The following RALGAPB variants were observed in gnomAD, a reference collection of about 807,000 sequenced individuals.
The protein encoded by RALGAPB is Ral GTPase activating protein non-catalytic subunit beta.
RALGAPB carries 25 observed loss-of-function variants against 161.1 expected under a neutral mutation model. The observed-to-expected ratio is 0.16, with a 90% CI of 0.11 to 0.22. RALGAPB has a LOEUF of 0.22. Among genes scored for constraint, RALGAPB ranks in the 10% least tolerant of loss-of-function variants. The probability of loss-of-function intolerance (pLI) is 1.00; values close to 1 mark genes in which losing one functional copy is unlikely to be tolerated. For synonymous variants in RALGAPB, 629 were observed against 626.1 expected (o/e 1.00, Z -0.07); for missense variants, 1,391 against 1,815.2 (o/e 0.77, Z 4.25).
At chr20:38,543,843 C>A (rs184776649) in intron 18 of RALGAPB, among the ~76,000 whole-genome samples, 1 of 152,148 alleles carries the variant, frequency 6.6e-6, no homozygotes, top group African/African-American at 2.4e-5. Flanking sequence ...TCTGTACTTC[C>A]GTGCTCATTC....
chr20:38,547,574 G>T (rs1017966582), intron 19 of RALGAPB: 1 of 152,172 alleles, frequency 6.6e-6, no homozygotes, highest in African/African-American at 2.4e-5. Context: ...TTCTGTGCCA[G>T]TTTTGTTGAT....
chr20:38,479,706 TAGC>T lies in RALGAPB; in HGVS notation c.-31+6640_-31+6642del, dbSNP rs1174815901. Among the ~76,000 whole-genome samples the T allele has an allele frequency of 5.3e-5, 8 of 152,314 alleles. 1 individual carries two copies. Among genetic ancestry groups the T allele is most frequent in the Admixed American group, 4.6e-4 (7 of 15,308 alleles). ...TTTCTCTGCTAGCAGCTCAGGTTGA[TAGC>T]AGACAGCCACCTGGGGAGGGGACTC... is the stretch of plus-strand genomic sequence containing the variant. On this transcript the variant is annotated intron_variant, in intron 1 of 29. Coordinates refer to ENST00000262879, the MANE Select transcript of RALGAPB (RefSeq NM_020336.4).
At chr20:38,533,769 GTGTA>G (rs1179076877) in intron 15 of RALGAPB, among the ~76,000 whole-genome samples, 1 of 152,170 alleles carries the variant, frequency 6.6e-6, no homozygotes, top group Non-Finnish European at 1.5e-5. Flanking sequence ...CTTATTCACT[GTGTA>G]TGTAGATTTA....
At chr20:38,476,902 C>A (rs182630380) in intron 1 of RALGAPB, among the ~76,000 whole-genome samples, 4 of 152,054 alleles carry the variant, frequency 2.6e-5, no homozygotes, top group Non-Finnish European at 5.9e-5. Flanking sequence ...TTTTACTGAA[C>A]GCATATCACT....
chr20:38,495,962 A>T (rs1001501163), intron 3 of RALGAPB, among the ~76,000 whole-genome samples: 38 of 152,112 alleles, frequency 2.5e-4, no homozygotes, highest in African/African-American at 8.9e-4. Context: ...CAGGGCCATT[A>T]GTGGTATTTT....
intron 1 of RALGAPB, among the ~76,000 whole-genome samples, chr20:38,484,292 A>G (rs1303582): frequency 0.67 from 102,293 of 152,094 alleles, 38,011 homozygotes; most frequent in East Asian, 0.91. Flanking sequence ...CCTAACAGCA[A>G]CCACGATGAA....
intron 1 of RALGAPB, among the ~76,000 whole-genome samples, chr20:38,478,117 G>A (rs139310418): frequency 6.6e-6 from 1 of 152,284 alleles, no homozygotes; most frequent in Non-Finnish European, 1.5e-5. Context: ...GTGAGACCTT[G>A]TCTCAAAAAG....
In RALGAPB at chr20:38,558,360, T is replaced by A; in HGVS notation, c.3438T>A (p.Phe1146Leu). 6.2e-7 allele frequency: 1 copy of A among 1,608,710 alleles called. No homozygotes were observed. The highest frequency in any genetic ancestry group is 2.2e-5 in the East Asian group (1 of 44,746). ...TTGATTCCACGATACCTGGATTTTT[T>A]GATGACATTGGGTATCTGGATCTCT... The part of the protein sequence containing the change: ...IALDSTIPGF[F>L]DDIGYLDLLP... The change falls in exon 23 of 30, where the codon TTT becomes TTA. Residue 1146 changes from phenylalanine (F) to leucine (L), a missense_variant. Phe to Leu is a conservative substitution (Grantham distance 22). Around this residue, in one of 3 missense-constraint regions of RALGAPB, gnomAD observed 436 missense variants for 527.0 expected, o/e 0.83. Coordinates refer to ENST00000262879, the MANE Select transcript of RALGAPB (RefSeq NM_020336.4).
In RALGAPB at chr20:38,517,546, C is replaced by T. The variant is rs202213279; in HGVS notation, c.1092C>T (p.Pro364=). 9.5e-5 allele frequency: 153 copies of T among 1,613,128 alleles called. 1 individual carries two copies. In the East Asian group the frequency reaches 1.4e-3, roughly 15 times the overall value. Residue 364 remains proline (P), a synonymous_variant, in exon 8 of 30, where the codon CCC becomes CCT. Transcript: ENST00000262879. ...GATCAGACAGTGCTCCCCCAACACC[C>T]GTGAATAGATTAAGTATGCCTCAAA... is the stretch of plus-strand genomic sequence containing the variant. The part of the protein sequence containing the change: ...RPRSDSAPPT[P]VNRLSMPQSA...
At chr20:38,497,059 AGGC>A (rs1443436540) in intron 3 of RALGAPB, among the ~76,000 whole-genome samples, 1 of 152,248 alleles carries the variant, frequency 6.6e-6, no homozygotes, top group Non-Finnish European at 1.5e-5. Flanking sequence ...ATTATGTGTT[AGGC>A]ACATGTTAGA....
chr20:38,531,322 A>G (rs998333450), intron 14 of RALGAPB, 91 bp downstream of exon 14: 2 of 1,141,830 alleles, frequency 1.8e-6, no homozygotes, highest in Non-Finnish European at 2.6e-6. Flanking sequence ...TGAATTTTAA[A>G]GGCCTTTGGT....
At chr20:38,547,808 G>A (rs903311871) in intron 19 of RALGAPB, 2 of 152,176 alleles carry the variant, frequency 1.3e-5, no homozygotes, top group African/African-American at 4.8e-5. Flanking sequence ...CATGGAGCTT[G>A]CTTGGCTTTC....
At chr20:38,511,292 C>T (rs988759219) in intron 6 of RALGAPB, among the ~76,000 whole-genome samples, 14 of 150,778 alleles carry the variant, frequency 9.3e-5, no homozygotes, top group Non-Finnish European at 1.3e-4. Context: ...ATTTAGGAAA[C>T]GCTGATATCT....
intron 16 of RALGAPB, among the ~76,000 whole-genome samples, chr20:38,537,049 G>T (rs2086827099): frequency 6.6e-6 from 1 of 152,204 alleles, no homozygotes; most frequent in South Asian, 2.1e-4. Flanking sequence ...ATGGAGCACT[G>T]CTCTGGACCT....
intron 5 of RALGAPB, among the ~76,000 whole-genome samples, chr20:38,504,016 A>G (rs552488631): frequency 8.5e-5 from 13 of 152,368 alleles, no homozygotes; most frequent in African/African-American, 2.9e-4. Flanking sequence ...AGCAATCTAC[A>G]GATTCAACAC....
At chr20:38,525,601 CAGG>C (rs2086437341) in intron 12 of RALGAPB, 83 bp downstream of exon 12, 8 of 1,063,000 alleles carry the variant, frequency 7.5e-6, no homozygotes, top group African/African-American at 3.3e-5. Flanking sequence ...AAAAATGAAA[CAGG>C]AGCTTTTTTT....
At chr20:38,551,686 G>A (rs1372577912) in intron 21 of RALGAPB, among the ~76,000 whole-genome samples, 1 of 152,206 alleles carries the variant, frequency 6.6e-6, no homozygotes, top group Admixed American at 6.5e-5. Context: ...GTGACAAAGA[G>A]ATATCAGTGC....
intron 1 of RALGAPB, among the ~76,000 whole-genome samples, chr20:38,484,767 C>T (rs2085069374): frequency 2.0e-5 from 3 of 152,186 alleles, no homozygotes; most frequent in South Asian, 4.1e-4. Flanking sequence ...GCGATCTCGG[C>T]TCACAGCAAC....
chr20:38,495,463 T>C (rs1267323162), intron 3 of RALGAPB, among the ~76,000 whole-genome samples: 1 of 152,204 alleles, frequency 6.6e-6, no homozygotes, highest in Non-Finnish European at 1.5e-5. Context: ...TCATATAGTG[T>C]TATAATTAGT....
Sources: allele counts gnomAD v4.1 joint callset (sites outside exome capture counted in the v4.1 genomes callset), GRCh38; gene constraint gnomAD v4.1.1; regional missense constraint gnomAD v4.1.1; transcripts MANE v1.5; gene names NCBI Gene and HGNC (gene_info 2026-07-23, HGNC 2026-07-21).